The following CPS1 variants were observed in gnomAD, a reference collection of about 807,000 sequenced individuals.
CPS1 encodes the protein carbamoyl-phosphate synthase [ammonia], mitochondrial.
A neutral mutation model predicts 174.6 loss-of-function variants in CPS1; 109 were observed. That is an observed-to-expected ratio of 0.62 (90% CI 0.53 to 0.73). The LOEUF (loss-of-function observed/expected upper bound fraction) is 0.73, where lower values mean the gene tolerates loss of function less well. CPS1 is among the 30% of genes least tolerant of loss of function. CPS1 has a pLI of 0.00. For synonymous variants in CPS1, 637 were observed against 632.0 expected, an observed-to-expected ratio of 1.01 and a Z score of -0.12; for missense variants, 1,689 against 1,821.9, an observed-to-expected ratio of 0.93 and a Z score of 1.33.
chr2:210,517,493 A>T (rs1323801410), intron 1 of CPS1, among the ~76,000 whole-genome samples: 1 of 152,046 alleles, frequency 6.6e-6, no homozygotes, highest in South Asian at 2.1e-4. Flanking sequence ...GTGAATTGCA[A>T]TTGTTAGTGG....
intron 6 of CPS1, 111 bp downstream of exon 6, chr2:210,582,820 CA>C: frequency 1.2e-6 from 1 of 866,228 alleles, no homozygotes; most frequent in South Asian, 1.4e-5. Context: ...CACCAGTGTT[CA>C]GGGGTAGAAA....
intron 1 of CPS1, among the ~76,000 whole-genome samples, chr2:210,499,724 C>T (rs1381990902): frequency 1.3e-5 from 2 of 152,110 alleles, no homozygotes; most frequent in Non-Finnish European, 2.9e-5. Flanking sequence ...TCTCCCTCAG[C>T]CTAGGTTGCT....
chr2:210,502,202 G>T (rs914762485), intron 1 of CPS1, among the ~76,000 whole-genome samples: 8 of 151,870 alleles, frequency 5.3e-5, no homozygotes, highest in Non-Finnish European at 1.2e-4. Flanking sequence ...ACAACTCAAG[G>T]TGAGATTTGA....
intron 20 of CPS1, among the ~76,000 whole-genome samples, chr2:210,613,532 T>C (rs1255591711): frequency 6.6e-6 from 1 of 151,816 alleles, no homozygotes; most frequent in Non-Finnish European, 1.5e-5. Context: ...CAGTCTTTTA[T>C]TTAAGAAGCA....
chr2:210,505,623 G>C (rs976146443), intron 1 of CPS1, among the ~76,000 whole-genome samples: 1 of 152,172 alleles, frequency 6.6e-6, no homozygotes, highest in African/African-American at 2.4e-5. Flanking sequence ...AGGGGTCAGG[G>C]AATTCCCTTT....
At chr2:210,618,060 T>C (rs1245237327) in intron 21 of CPS1, 1 of 152,030 alleles carries the variant, frequency 6.6e-6, no homozygotes, top group Non-Finnish European at 1.5e-5. Context: ...AATGTTTTAA[T>C]TGAATAGTTT....
Position 210,556,685 on chromosome 2 carries a change from C to A in CPS1, c.-49C>A. 1 of 1,608,852 alleles carries A rather than the reference C, an allele frequency of 6.2e-7. No homozygotes were observed. Among genetic ancestry groups the A allele is most frequent in the Non-Finnish European group, 8.5e-7 (1 of 1,177,294 alleles). The stretch of plus-strand genomic sequence containing the variant: ...TAACTAAAAAGTCTTATCACACAAT[C>A]TCATAAAATTTATGTAATTTCATTT... On this transcript the variant is annotated 5_prime_UTR_variant, in exon 1 of 38. Transcript: ENST00000233072.
intron 21 of CPS1, among the ~76,000 whole-genome samples, chr2:210,633,471 C>A (rs532615599): frequency 2.6e-5 from 4 of 152,158 alleles, no homozygotes; most frequent in Admixed American, 2.6e-4. Context: ...CTAGAGATGT[C>A]TACATACATT....
intron 1 of CPS1, among the ~76,000 whole-genome samples, chr2:210,527,188 A>G (rs999209658): frequency 3.3e-5 from 5 of 151,864 alleles, no homozygotes; most frequent in African/African-American, 4.8e-5. Context: ...ATAAGATACT[A>G]TATAAACAAA....
intron 16 of CPS1, among the ~76,000 whole-genome samples, chr2:210,603,588 G>A (rs997093184): frequency 6.6e-6 from 1 of 151,808 alleles, no homozygotes; most frequent in African/African-American, 2.4e-5. Context: ...ACTGCCAATT[G>A]TGACAGTGTA....
intron 23 of CPS1, 23 bp downstream of exon 23, chr2:210,639,238 A>G (rs781207678): frequency 6.4e-7 from 1 of 1,559,590 alleles, no homozygotes; most frequent in South Asian, 1.1e-5. Context: ...AAATTGGCCT[A>G]TCCAGAAAGC....
intron 36 of CPS1, among the ~76,000 whole-genome samples, chr2:210,676,244 T>A (rs1316567900): frequency 6.6e-6 from 1 of 152,210 alleles, no homozygotes; most frequent in East Asian, 1.9e-4. Context: ...GGAACCTATG[T>A]TGAGTACTAT....
Position 210,516,518 on chromosome 2 carries a change from T to C in CPS1, c.3+38752T>C, listed in dbSNP as rs1006502350. On this transcript the variant is annotated intron_variant, in intron 1 of 38. Transcript: ENST00000430249. ...CCTCTGACCACATTCCTATGTGCTC[T>C]TCTCTTTGCTTTGGTGATTTTTCTA... 4.6e-5 allele frequency among the ~76,000 whole-genome samples: 7 copies of C among 151,938 alleles called. 1 individual carries two copies. Among genetic ancestry groups the C allele is most frequent in the African/African-American group, 1.7e-4 (7 of 41,414 alleles).
At chr2:210,645,582 G>A (rs191655464) in intron 25 of CPS1, among the ~76,000 whole-genome samples, 2 of 152,114 alleles carry the variant, frequency 1.3e-5, no homozygotes, top group African/African-American at 2.4e-5. Context: ...ATCACTTGAG[G>A]CCAGGAGTTC....
At chr2:210,532,532 A>G (rs747048906) in intron 1 of CPS1, among the ~76,000 whole-genome samples, 14 of 152,214 alleles carry the variant, frequency 9.2e-5, no homozygotes, top group Non-Finnish European at 1.8e-4. Flanking sequence ...GAAAGGGAAT[A>G]AGTATAGCAA....
rs374695266 is a variant in CPS1, at chr2:210,612,108, G to A, written c.2392-9G>A. 186 of 1,610,562 alleles carry A rather than the reference G, an allele frequency of 1.2e-4. No homozygotes were observed. The highest frequency in any genetic ancestry group is 1.5e-4 in the Non-Finnish European group (179 of 1,177,908). On this transcript the variant is annotated splice_polypyrimidine_tract_variant and intron_variant, in intron 19 of 37. Transcript: ENST00000233072. ...TCTTTCAATATGAGGTCTTAAACAT[G>A]TATTACAGGTCATGGCTATTGGTCG...
At chr2:210,665,452 T>C (rs1182904699) in intron 33 of CPS1, among the ~76,000 whole-genome samples, 2 of 150,282 alleles carry the variant, frequency 1.3e-5, no homozygotes, top group African/African-American at 2.5e-5. Flanking sequence ...ATTAGGTATA[T>C]CTCCTAATGC....
intron 28 of CPS1, among the ~76,000 whole-genome samples, chr2:210,651,226 A>G (rs1700549249): frequency 6.6e-6 from 1 of 152,170 alleles, no homozygotes; most frequent in Admixed American, 6.5e-5. Context: ...AGGAAGAGTG[A>G]AATCAGGAGC....
Position 210,677,941 on chromosome 2 carries a change from A to G in CPS1, c.4459A>G (p.Ser1487Gly), listed in dbSNP as rs770730733. The G allele has an allele frequency of 6.2e-7, 1 of 1,614,146 alleles. No homozygotes were observed. The highest frequency in any genetic ancestry group is 1.7e-5 in the Admixed American group (1 of 60,026). ...VQKSRKVDSK[S>G]LFHYRQYSAG... ...GAAATCTCGCAAGGTGGACTCCAAGAGTCTTTTCCACTACAGGCAGTACAG... is the reference window on the plus strand; with the variant it reads ...GAAATCTCGCAAGGTGGACTCCAAGGGTCTTTTCCACTACAGGCAGTACAG... The change falls in exon 38 of 38, where the codon AGT (serine) becomes GGT (glycine). Residue 1487 changes from serine to glycine, a missense_variant. Transcript: ENST00000233072.
Sources: allele counts gnomAD v4.1 joint callset (sites outside exome capture counted in the v4.1 genomes callset), GRCh38; gene constraint gnomAD v4.1.1; transcripts MANE v1.5; gene names NCBI Gene and HGNC (gene_info 2026-07-23, HGNC 2026-07-21).